PHF20: variants seen among roughly 807,000 people sequenced by gnomAD.
PHF20 encodes the protein PHD finger protein 20.
A neutral mutation model predicts 113.5 loss-of-function variants in PHF20; 23 were observed. That is an observed-to-expected ratio of 0.20 (90% CI 0.15 to 0.29). The LOEUF (loss-of-function observed/expected upper bound fraction) is 0.29. Among genes scored for constraint, PHF20 ranks in the 10% least tolerant of loss-of-function variants. PHF20 has a pLI of 1.00. For synonymous variants in PHF20, 434 were observed against 457.3 expected, an observed-to-expected ratio of 0.95 and a Z score of 0.65; for missense variants, 943 against 1,219.6, an observed-to-expected ratio of 0.77 and a Z score of 3.38.
rs2054249552 is a variant in PHF20 at position 35,863,201 on chromosome 20, T to C, written c.609T>C (p.Ser203=). 1 of 1,613,842 alleles carries C rather than the reference T, an allele frequency of 6.2e-7. No homozygotes were observed. Among genetic ancestry groups the C allele is most frequent in the Non-Finnish European group, 8.5e-7 (1 of 1,179,982 alleles). The change falls in exon 6 of 18, where the codon TCT becomes TCC. Residue 203 remains serine (S), a synonymous_variant. Transcript: ENST00000374012. ...ATAAAGAAGGAAAGTTAATCTGTTC[T>C]GAAAAGGGGAAAGTGTCAGAGAAAA... ...QPDKEGKLIC[S]EKGKVSEKSL... is the part of the protein sequence containing the mutation.
At chr20:35,870,341 T>A (rs911616818) in intron 7 of PHF20, among the ~76,000 whole-genome samples, 3 of 107,400 alleles carry the variant, frequency 2.8e-5, no homozygotes, top group Non-Finnish European at 3.9e-5. Context: ...ATTAGCCGGG[T>A]GTGGTGGCGG....
chr20:35,936,389 G>A (rs2147123117), intron 15 of PHF20, among the ~76,000 whole-genome samples: 1 of 152,278 alleles, frequency 6.6e-6, no homozygotes, highest in Non-Finnish European at 1.5e-5. Flanking sequence ...GATAGTTGCA[G>A]GCCCTTGGGA....
intron 4 of PHF20, among the ~76,000 whole-genome samples, chr20:35,857,587 G>GT (rs1319742171): frequency 5.8e-4 from 33 of 56,442 alleles, no homozygotes; most frequent in African/African-American, 6.9e-4. Context: ...TTTTTTTTTT[G>GT]TTTTTTTTTT....
At chr20:35,861,687 C>G (rs975688026) in intron 5 of PHF20, among the ~76,000 whole-genome samples, 1 of 152,082 alleles carries the variant, frequency 6.6e-6, no homozygotes, top group African/African-American at 2.4e-5. Flanking sequence ...AAATTGCCAT[C>G]TCCTCCCTGA....
At chr20:35,773,086 C>T (rs2041096903) in intron 1 of PHF20, among the ~76,000 whole-genome samples, 1 of 152,146 alleles carries the variant, frequency 6.6e-6, no homozygotes, top group South Asian at 2.1e-4. Flanking sequence ...ATCAAACTAC[C>T]TTATTTCCTG....
intron 2 of PHF20, among the ~76,000 whole-genome samples, chr20:35,830,066 G>T (rs113310630): frequency 6.6e-6 from 1 of 151,980 alleles, no homozygotes; most frequent in Admixed American, 6.6e-5. Flanking sequence ...GGCGCATGCC[G>T]CCATGCCTGG....
intron 1 of PHF20, among the ~76,000 whole-genome samples, chr20:35,794,269 C>T (rs1157773426): frequency 6.8e-6 from 1 of 146,634 alleles, no homozygotes; most frequent in Non-Finnish European, 1.5e-5. Context: ...CACTGCACTC[C>T]AGCCTGGGCA....
intron 2 of PHF20, among the ~76,000 whole-genome samples, chr20:35,822,924 T>TTTCA (rs2042195371): frequency 6.6e-6 from 1 of 150,968 alleles, no homozygotes; most frequent in African/African-American, 2.4e-5. Flanking sequence ...CCTCCCCCAC[T>TTTCA]TTCAACATCC....
chr20:35,863,802 G>A (rs1376046006), intron 6 of PHF20, among the ~76,000 whole-genome samples: 1 of 152,136 alleles, frequency 6.6e-6, no homozygotes, highest in Non-Finnish European at 1.5e-5. Context: ...AAAAGGTATG[G>A]GCTTCTGAAG....
In PHF20 at chr20:35,948,434, GT is replaced by G. The variant is rs2056123609; in HGVS notation, c.*810del. On this transcript the variant is annotated 3_prime_UTR_variant, in exon 18 of 18. Transcript: ENST00000374012. ...CCCGTTCTATTTAATGTCCAAAAAT[GT>G]TTCCCAAAATTTCAAACTCTTTCAC... 1 of 152,596 alleles carries G rather than the reference GT, an allele frequency of 6.6e-6. No homozygotes were observed. The highest frequency in any genetic ancestry group is 1.5e-5 in the Non-Finnish European group (1 of 68,030). The allele number at this position is 152,596 out of a possible 1,614,324, so 9.5% of individuals were successfully genotyped here.
At chr20:35,805,288 T>A (rs2041860499) in intron 2 of PHF20, among the ~76,000 whole-genome samples, 2 of 151,648 alleles carry the variant, frequency 1.3e-5, no homozygotes, top group Middle Eastern at 3.4e-3. Context: ...AGCTTTGACC[T>A]CCCTTGGCTT....
At chr20:35,896,735 A>T (rs2054992245) in intron 9 of PHF20, among the ~76,000 whole-genome samples, 1 of 140,068 alleles carries the variant, frequency 7.1e-6, no homozygotes, top group Non-Finnish European at 1.5e-5. Flanking sequence ...GGGGAGGTGG[A>T]GGTTGCAGTG....
At chr20:35,938,126 C>T (rs1425227066) in intron 15 of PHF20, among the ~76,000 whole-genome samples, 3 of 152,126 alleles carry the variant, frequency 2.0e-5, no homozygotes, top group Non-Finnish European at 4.4e-5. Context: ...CCTGCCTCGG[C>T]CTCCCAAAGT....
At chr20:35,884,045 G>C (rs1168555337) in intron 9 of PHF20, among the ~76,000 whole-genome samples, 1 of 152,026 alleles carries the variant, frequency 6.6e-6, no homozygotes, top group Non-Finnish European at 1.5e-5. Flanking sequence ...GAAACTGAAT[G>C]GTGTTTCTGG....
intron 1 of PHF20, among the ~76,000 whole-genome samples, chr20:35,782,895 T>G (rs2041330391): frequency 6.6e-6 from 1 of 152,162 alleles, no homozygotes; most frequent in African/African-American, 2.4e-5. Flanking sequence ...GTAAAGGAAA[T>G]TAAAGAAACC....
intron 1 of PHF20, among the ~76,000 whole-genome samples, chr20:35,795,123 A>G (rs1345231774): frequency 2.7e-5 from 4 of 149,820 alleles, no homozygotes; most frequent in Non-Finnish European, 5.9e-5. Flanking sequence ...ACCCGGGAGG[A>G]GGAGGTTGCA....
At chr20:35,776,750 G>A (rs991977884) in intron 1 of PHF20, among the ~76,000 whole-genome samples, 1 of 152,068 alleles carries the variant, frequency 6.6e-6, no homozygotes, top group African/African-American at 2.4e-5. Flanking sequence ...TAACGGATTT[G>A]ATCTGGATTT....
At chr20:35,905,077 G>A (rs1892207764) in intron 10 of PHF20, among the ~76,000 whole-genome samples, 1 of 152,100 alleles carries the variant, frequency 6.6e-6, no homozygotes, top group Non-Finnish European at 1.5e-5. Flanking sequence ...TGCCTGCCTT[G>A]GCCTCCCAAA....
At chr20:35,837,416 G>A (rs2042462292) in intron 2 of PHF20, among the ~76,000 whole-genome samples, 1 of 152,156 alleles carries the variant, frequency 6.6e-6, no homozygotes, top group Admixed American at 6.5e-5. Context: ...CAGCTGCAAT[G>A]TTAGTTTGGA....
Sources: gnomAD v4.1 joint callset for allele counts (sites outside exome capture counted in the v4.1 genomes callset) on GRCh38, gnomAD v4.1.1 for gene constraint, MANE v1.5 for transcripts, NCBI Gene and HGNC (gene_info 2026-07-23, HGNC 2026-07-21) for gene names.